Variants in ELSPBP1 observed in about 807,000 individuals in gnomAD.
The protein encoded by ELSPBP1 is epididymal sperm-binding protein 1.
A neutral mutation model predicts 33.3 loss-of-function variants in ELSPBP1; 38 were observed. That is an observed-to-expected ratio of 1.14 (90% CI 0.88 to 1.50). The LOEUF is 1.50. Ranked by LOEUF, ELSPBP1 falls within the 40% of genes most tolerant of loss-of-function variation. The pLI is 0.00. For synonymous variants in ELSPBP1, 85 were observed against 94.1 expected, an observed-to-expected ratio of 0.90 and a Z score of 0.56; for missense variants, 267 against 263.5, an observed-to-expected ratio of 1.01 and a Z score of -0.09.
In ELSPBP1 at chr19:48,011,538, G is replaced by A. The variant is rs1330437788; in HGVS notation, c.71-2633G>A. On this transcript the variant is annotated intron_variant, in intron 2 of 6. Coordinates refer to ENST00000339841, the MANE Select transcript of ELSPBP1 (RefSeq NM_022142.5). The surrounding 1 kb of genome is among the most constrained non-coding windows in gnomAD (Gnocchi z 4.5). ...AATGATGATGACAATGACTGATAAT[G>A]ATGACAATGATGATGATGACAATGA... is the stretch of plus-strand genomic sequence containing the variant. Among the ~76,000 whole-genome samples, 1 of 151,634 alleles carries A rather than the reference G, an allele frequency of 6.6e-6. No homozygotes were observed. Among genetic ancestry groups the A allele is most frequent in the Admixed American group, 6.6e-5 (1 of 15,226 alleles).
chr19:48,002,198 G>T (rs1966975038), intron 1 of ELSPBP1, among the ~76,000 whole-genome samples: 1 of 152,148 alleles, frequency 6.6e-6, no homozygotes, highest in Admixed American at 6.5e-5. Context: ...TACTTTGTTG[G>T]GGTCACAAAG....
rs1600109735 is a variant in ELSPBP1 at position 48,016,467 on chromosome 19, TC to T, written c.355+429del. On this transcript the variant is annotated intron_variant, in intron 4 of 6. Coordinates refer to ENST00000339841, the MANE Select transcript of ELSPBP1 (RefSeq NM_022142.5). ...CCCTTTTCTCTTTCTTTTCTTTCCT[TC>T]TTTCTTTCTTTCTTTCTTTCTTTCT... Among the ~76,000 whole-genome samples the T allele has an allele frequency of 6.7e-3, 257 of 38,102 alleles. 4 individuals are homozygous for T. The highest frequency in any genetic ancestry group is 0.043 in the Middle Eastern group (3 of 70). 25.0% of individuals were successfully genotyped at this position (38,102 alleles called of 152,430 possible).
Position 48,014,310 on chromosome 19 carries a change from T to C in ELSPBP1, c.208+2T>C, listed in dbSNP as rs1337761352. ...AGTGGAAGTACTGCCAGAGTGAAGG[T>C]GAGTGGTATCACATTGTCCCTGCCA... On this transcript the variant is annotated splice_donor_variant, in intron 3 of 6. Coordinates refer to ENST00000339841, the MANE Select transcript of ELSPBP1 (RefSeq NM_022142.5). LOFTEE classifies it high-confidence loss of function. 6 of 1,613,210 alleles carry C rather than the reference T, an allele frequency of 3.7e-6. No homozygotes were observed. The highest frequency in any genetic ancestry group is 5.1e-6 in the Non-Finnish European group (6 of 1,179,830).
In ELSPBP1 at chr19:48,022,237, T is replaced by C; in HGVS notation, c.582T>C (p.Phe194=). 1.9e-6 allele frequency: 3 copies of C among 1,613,982 alleles called. No homozygotes were observed. The highest frequency in any genetic ancestry group is 2.5e-6 in the Non-Finnish European group (3 of 1,179,928). Residue 194 remains phenylalanine (F), a synonymous_variant, in exon 6 of 7, where the codon TTT becomes TTC. Coordinates refer to ENST00000339841, the MANE Select transcript of ELSPBP1 (RefSeq NM_022142.5). ...TCAACTATAAAAACAAGAATTATTT[T>C]AACTGCACTAACGAAGGATCAAAGG... ...FPFNYKNKNY[F]NCTNEGSKEN...
intron 3 of ELSPBP1, among the ~76,000 whole-genome samples, chr19:48,014,668 T>TATA (rs772296176): frequency 6.6e-6 from 1 of 151,236 alleles, no homozygotes; most frequent in Non-Finnish European, 1.5e-5. Context: ...AAACTTAAAT[T>TATA]ATAATAATAA....
At chr19:48,014,619 C>T (rs1046525783) in intron 3 of ELSPBP1, among the ~76,000 whole-genome samples, 1 of 151,296 alleles carries the variant, frequency 6.6e-6, no homozygotes, top group Non-Finnish European at 1.5e-5. Context: ...CACATGTATA[C>T]ATATGTAACA....
intron 1 of ELSPBP1, among the ~76,000 whole-genome samples, chr19:48,003,646 C>T (rs1326292292): frequency 2.0e-5 from 3 of 150,420 alleles, no homozygotes; most frequent in Non-Finnish European, 4.4e-5. Flanking sequence ...AAGTGATTCT[C>T]CTTCCTCAGC....
intron 4 of ELSPBP1, among the ~76,000 whole-genome samples, chr19:48,019,010 G>T (rs145367925): frequency 6.6e-6 from 1 of 151,904 alleles, no homozygotes; most frequent in Admixed American, 6.6e-5. Flanking sequence ...AAAAATTAGC[G>T]ACGCATGGTG....
intron 6 of ELSPBP1, 41 bp downstream of exon 6, chr19:48,022,375 A>C (rs756429131): frequency 6.5e-6 from 10 of 1,535,130 alleles, no homozygotes; most frequent in Non-Finnish European, 3.5e-6. Flanking sequence ...ACGGATGCAG[A>C]GGTGAGACAG....
chr19:48,024,543 A>G (rs1967249830), intron 6 of ELSPBP1, among the ~76,000 whole-genome samples: 1 of 152,142 alleles, frequency 6.6e-6, no homozygotes, highest in Non-Finnish European at 1.5e-5. Flanking sequence ...TTGCCTTGGT[A>G]ATGAAAATCA....
intron 4 of ELSPBP1, among the ~76,000 whole-genome samples, chr19:48,019,070 C>G (rs888889589): frequency 3.9e-5 from 6 of 152,190 alleles, no homozygotes; most frequent in East Asian, 1.9e-4. Context: ...AGAAGAATCT[C>G]TTGAACCCGG....
chr19:48,016,655 G>A lies in ELSPBP1; in HGVS notation c.355+616G>A, dbSNP rs184265397. ...GCTCTGTCACTCAGGCTGGAGTGCA[G>A]TGGAATGATCTCAGGTCACTGCAAC... On this transcript the variant is annotated intron_variant, in intron 4 of 6. Coordinates refer to ENST00000339841, the MANE Select transcript of ELSPBP1 (RefSeq NM_022142.5). Among the ~76,000 whole-genome samples, 366 of 151,220 alleles carry A rather than the reference G, an allele frequency of 2.4e-3. 1 individual carries two copies. Among genetic ancestry groups the A allele is most frequent in the African/African-American group, 8.6e-3 (354 of 41,094 alleles).
intron 6 of ELSPBP1, among the ~76,000 whole-genome samples, chr19:48,024,040 T>G (rs1256797664): frequency 1.2e-5 from 1 of 86,948 alleles, no homozygotes; most frequent in African/African-American, 4.6e-5. Context: ...CCAGCAATTT[T>G]TTTTTTTTTT....
chr19:48,012,677 T>C (rs546360523), intron 2 of ELSPBP1, among the ~76,000 whole-genome samples: 64 of 152,302 alleles, frequency 4.2e-4, no homozygotes, highest in South Asian at 1.2e-3. Flanking sequence ...AAAAACAAAG[T>C]TCCTGTACTC....
chr19:48,023,400 GAAGT>G (rs1967227256), intron 6 of ELSPBP1, among the ~76,000 whole-genome samples: 1 of 114,986 alleles, frequency 8.7e-6, no homozygotes, highest in Non-Finnish European at 1.8e-5. Context: ...AGGGAGGGAG[GAAGT>G]GAGGGAGGAG....
intron 1 of ELSPBP1, among the ~76,000 whole-genome samples, chr19:48,001,843 A>T (rs1323461100): frequency 1.3e-5 from 2 of 151,724 alleles, no homozygotes; most frequent in Non-Finnish European, 2.9e-5. Context: ...ATGTGCCACC[A>T]TGCTGGCTGT....
chr19:48,019,467 T>C (rs1194955434), intron 4 of ELSPBP1, among the ~76,000 whole-genome samples: 1 of 152,144 alleles, frequency 6.6e-6, no homozygotes, highest in Non-Finnish European at 1.5e-5. Flanking sequence ...CCTAGCTTAG[T>C]AGAGTCAAGG....
intron 1 of ELSPBP1, among the ~76,000 whole-genome samples, chr19:48,002,187 G>A (rs1480008851): frequency 6.6e-6 from 1 of 152,170 alleles, no homozygotes; most frequent in Non-Finnish European, 1.5e-5. Context: ...AGGAAACTCA[G>A]TACTTTGTTG....
Position 48,008,929 on chromosome 19 carries a change from A to C in ELSPBP1, c.70+192A>C, listed in dbSNP as rs137965542. ...GGCAGGCAGATCACTTGAGGTCAGG[A>C]GTTCCAGAGCAGCCTGCCCAACATG... On this transcript the variant is annotated intron_variant, in intron 2 of 6. Coordinates refer to ENST00000339841, the MANE Select transcript of ELSPBP1 (RefSeq NM_022142.5). Among the ~76,000 whole-genome samples the C allele has an allele frequency of 9.2e-3, 1,398 of 152,246 alleles. 8 individuals carry two copies. The highest frequency in any genetic ancestry group is 0.02 in the Middle Eastern group (6 of 294).
Sources: allele counts gnomAD v4.1 joint callset (sites outside exome capture counted in the v4.1 genomes callset), GRCh38; gene constraint gnomAD v4.1.1; non-coding constraint Gnocchi (gnomAD v3.1); transcripts MANE v1.5; gene names NCBI Gene and HGNC (gene_info 2026-07-23, HGNC 2026-07-21).